The following RGS3 variants were observed in gnomAD, a reference collection of about 807,000 sequenced individuals.
RGS3 encodes regulator of G-protein signalling 3.
RGS3 carries 80 observed loss-of-function variants against 132.6 expected under a neutral mutation model. The ratio of observed to expected loss-of-function variants is 0.60; its 90% CI spans 0.50 to 0.73. The LOEUF is 0.73. Among genes scored for constraint, RGS3 ranks in the 30% least tolerant of loss-of-function variants. RGS3 has a pLI of 0.00. For missense variants in RGS3, 1,382 were observed against 1,530.8 expected (o/e 0.90, Z 1.62); for synonymous variants, 598 against 620.6 (o/e 0.96, Z 0.54).
At chr9:113,469,663 C>T (rs996403826) in intron 3 of RGS3, among the ~76,000 whole-genome samples, 2 of 151,848 alleles carry the variant, frequency 1.3e-5, no homozygotes, top group African/African-American at 4.8e-5. Flanking sequence ...TTAGAAGACG[C>T]ATGTTGATAA....
At chr9:113,489,686 G>A (rs944711403) in intron 7 of RGS3, among the ~76,000 whole-genome samples, 8 of 151,312 alleles carry the variant, frequency 5.3e-5, no homozygotes, top group Non-Finnish European at 1.2e-4. Context: ...ACCACACCCA[G>A]CTACTTAATT....
chr9:113,484,332 AAAAAAAAAAAAAAAAAACCAAAAC>A, intron 6 of RGS3, 100 bp downstream of exon 4: 17 of 470,420 alleles, frequency 3.6e-5, no homozygotes, highest in Non-Finnish European at 4.2e-5. Flanking sequence ...CTATGCAAAA[AAAAAAAAAAAAAAAAAACCAAAAC>A]AAAAAAAACC....
chr9:113,447,678 T>C (rs765239510), intron 1 of RGS3, among the ~76,000 whole-genome samples: 13 of 151,968 alleles, frequency 8.6e-5, no homozygotes, highest in Non-Finnish European at 1.0e-4. Context: ...GTGGTCAAGT[T>C]TGTGTGATCA....
chr9:113,461,081 G>A (rs1270261507), intron 1 of RGS3, among the ~76,000 whole-genome samples: 1 of 152,098 alleles, frequency 6.6e-6, no homozygotes, highest in Non-Finnish European at 1.5e-5. Flanking sequence ...TGTGAGGTGT[G>A]TATGTAGTGT....
intron 3 of RGS3, among the ~76,000 whole-genome samples, chr9:113,478,650 A>C (rs964319842): frequency 6.6e-6 from 1 of 152,032 alleles, no homozygotes; most frequent in African/African-American, 2.4e-5. Context: ...CTGTACAAAA[A>C]ATTAATTAAA....
At chr9:113,495,389 T>A (rs1475325944) in intron 7 of RGS3, among the ~76,000 whole-genome samples, 2 of 152,190 alleles carry the variant, frequency 1.3e-5, no homozygotes, top group African/African-American at 4.8e-5. Flanking sequence ...CTTCTTGAGC[T>A]TGAGGTCCCA....
chr9:113,508,574 C>T, exon 14 of RGS3: 1 of 1,612,332 alleles, frequency 6.2e-7, no homozygotes, highest in Non-Finnish European at 8.5e-7. Context: ...GGATACCATC[C>T]CCGAAGGTGA....
intron 1 of RGS3, among the ~76,000 whole-genome samples, chr9:113,452,060 G>A (rs570626375): frequency 9.2e-5 from 14 of 152,228 alleles, no homozygotes; most frequent in Admixed American, 3.3e-4. Flanking sequence ...GTCCAATAGT[G>A]TGATCATAGC....
rs142215497 is a variant in RGS3, at chr9:113,514,359, G to A, written c.1478-99G>A. 5.5e-4 allele frequency: 586 copies of A among 1,074,970 alleles called. 6 individuals are homozygous for A. The East Asian group carries it at 0.014, about 25-fold the overall frequency. The allele number at this position is 1,074,970 out of a possible 1,614,324, so 66.6% of individuals were successfully genotyped here. On this transcript the variant is annotated intron_variant, in intron 14 of 24. Transcript: ENST00000350696. The stretch of plus-strand genomic sequence containing the variant: ...GCACAAAGTAGCTGCTCAGAAAGTG[G>A]TTGTTGACGGAATGAGTCCGTGTCC...
intron 19 of RGS3, among the ~76,000 whole-genome samples, chr9:113,539,935 G>C (rs1239963029): frequency 6.6e-6 from 1 of 152,176 alleles, no homozygotes; most frequent in African/African-American, 2.4e-5. Context: ...GGCTGCTGTG[G>C]TGTCAGTAGT....
intron 19 of RGS3, among the ~76,000 whole-genome samples, chr9:113,568,653 G>A (rs1284183164): frequency 6.6e-6 from 1 of 152,242 alleles, no homozygotes; most frequent in African/African-American, 2.4e-5. Flanking sequence ...AGCCCAAGCC[G>A]AAGCTGGGAG....
At chr9:113,519,679 GTT>G (rs201771539) in intron 16 of RGS3, among the ~76,000 whole-genome samples, 1 of 147,432 alleles carries the variant, frequency 6.8e-6, no homozygotes, top group African/African-American at 2.5e-5. Flanking sequence ...TAGAGCAGTG[GTT>G]TTTTTTTTTA....
chr9:113,503,931 C>T (rs1831023934), intron 10 of RGS3, among the ~76,000 whole-genome samples: 1 of 152,122 alleles, frequency 6.6e-6, no homozygotes, highest in African/African-American at 2.4e-5. Flanking sequence ...TTTTCTCTTC[C>T]TGTCTTAGCT....
chr9:113,482,939 GCTTTTCTTTTCAGGTCT>G, intron 4 of RGS3, 103 bp from the exon 3 acceptor site: 1 of 1,567,178 alleles, frequency 6.4e-7, no homozygotes, highest in African/African-American at 1.3e-5. Context: ...TCACAGATAC[GCTTTTCTTTTCAGGTCT>G]CTTTATTCGT....
rs955188673 is a variant in RGS3 at position 113,507,933 on chromosome 9, G to A, written c.1437+295G>A. ...CCTGTGCTTTTCCCCAGTGGAATGG[G>A]CTGCCTTGGTAGGTGGTGAGCCCCC... is the stretch of plus-strand genomic sequence containing the variant. On this transcript the variant is annotated intron_variant, in intron 13 of 24. Coordinates refer to ENST00000350696, the Ensembl canonical transcript of RGS3. This position sits in a 1 kb window ranked among gnomAD's most constrained non-coding sequence, Gnocchi z 5.0. 3.3e-5 allele frequency among the ~76,000 whole-genome samples: 5 copies of A among 152,194 alleles called. No individual in the cohort carries two copies. The highest frequency in any genetic ancestry group is 1.2e-4 in the African/African-American group (5 of 41,438).
At chr9:113,514,285 C>T (rs190375723) in intron 14 of RGS3, among the ~76,000 whole-genome samples, 173 bp from the exon 13 acceptor site, 7 of 152,224 alleles carry the variant, frequency 4.6e-5, no homozygotes, top group Admixed American at 2.0e-4. Flanking sequence ...CCTTGAAGCC[C>T]GAGCCCATGT....
chr9:113,549,390 CCT>C (rs1176193118), intron 19 of RGS3, among the ~76,000 whole-genome samples: 8 of 152,204 alleles, frequency 5.3e-5, no homozygotes, highest in African/African-American at 1.7e-4. Context: ...TCTATAACCC[CCT>C]TCCTTGGGGC....
At chr9:113,497,437 A>G (rs1310662540) in intron 9 of RGS3, 33 bp downstream of exon 7, 1 of 1,569,106 alleles carries the variant, frequency 6.4e-7, no homozygotes. Context: ...TTCCCTTCCC[A>G]GGACCTGCCC....
chr9:113,585,149 A>G (rs1294499968), intron 20 of RGS3, among the ~76,000 whole-genome samples: 1 of 152,230 alleles, frequency 6.6e-6, no homozygotes, highest in Admixed American at 6.5e-5. Flanking sequence ...GCTGGTCTCA[A>G]CCTGAGAGAA....
Sources: allele counts gnomAD v4.1 joint callset (sites outside exome capture counted in the v4.1 genomes callset), GRCh38; gene constraint gnomAD v4.1.1; non-coding constraint Gnocchi (gnomAD v3.1); transcripts MANE v1.5; gene names NCBI Gene and HGNC (gene_info 2026-07-23, HGNC 2026-07-21).